The following PPP1R9A variants were observed in gnomAD, a reference collection of about 807,000 sequenced individuals.
The protein encoded by PPP1R9A is protein phosphatase 1 regulatory subunit 9A.
In PPP1R9A, 59 loss-of-function variants were observed where a neutral mutation model predicts 141.9. The observed-to-expected ratio is 0.42, with a 90% CI of 0.34 to 0.52. The LOEUF (loss-of-function observed/expected upper bound fraction) is 0.52, where lower values mean the gene tolerates loss of function less well. Ranked by LOEUF, PPP1R9A falls within the 20% of genes least tolerant of loss-of-function variation. The pLI, the probability that PPP1R9A is intolerant of heterozygous loss-of-function variation, is 0.10. For synonymous variants in PPP1R9A, 500 were observed against 569.7 expected, an observed-to-expected ratio of 0.88 and a Z score of 1.74; for missense variants, 1,444 against 1,611.9, an observed-to-expected ratio of 0.90 and a Z score of 1.78.
chr7:95,000,188 CATT>C (rs991612391), intron 2 of PPP1R9A, among the ~76,000 whole-genome samples: 3 of 152,164 alleles, frequency 2.0e-5, no homozygotes, highest in Admixed American at 1.3e-4. Flanking sequence ...TCATACCCAT[CATT>C]GTGTCCTAAA....
chr7:95,103,581 G>T (rs950264825), intron 2 of PPP1R9A, among the ~76,000 whole-genome samples: 2 of 152,154 alleles, frequency 1.3e-5, no homozygotes, highest in East Asian at 3.9e-4. Context: ...TGTTAGCCAG[G>T]TTGGTCTAGA....
At chr7:95,036,886 T>C (rs1808495446) in intron 2 of PPP1R9A, 2 of 152,158 alleles carry the variant, frequency 1.3e-5, no homozygotes, top group African/African-American at 4.8e-5. Flanking sequence ...TTCATCAATT[T>C]GATTTCTCAC....
At chr7:95,272,995 G>T (rs933354012) in intron 14 of PPP1R9A, among the ~76,000 whole-genome samples, 1 of 152,114 alleles carries the variant, frequency 6.6e-6, no homozygotes, top group Non-Finnish European at 1.5e-5. Context: ...ACGTGATGCC[G>T]ATCAGTACCC....
chr7:95,008,589 T>C (rs1232573788), intron 2 of PPP1R9A, among the ~76,000 whole-genome samples: 1 of 152,190 alleles, frequency 6.6e-6, no homozygotes, highest in Non-Finnish European at 1.5e-5. Context: ...TCCTTCTGTC[T>C]AATGGGATCA....
chr7:94,941,285 G>T (rs532214266), intron 2 of PPP1R9A, among the ~76,000 whole-genome samples: 1 of 152,134 alleles, frequency 6.6e-6, no homozygotes, highest in African/African-American at 2.4e-5. Flanking sequence ...TGCCTTCAAG[G>T]GGTGCTGTGA....
chr7:94,968,726 A>G (rs1054851492), intron 2 of PPP1R9A, among the ~76,000 whole-genome samples: 3 of 152,096 alleles, frequency 2.0e-5, no homozygotes, highest in African/African-American at 4.8e-5. Flanking sequence ...ATAATATCCT[A>G]AAGAGTGTTT....
chr7:95,078,101 G>A (rs1199473536), intron 2 of PPP1R9A, among the ~76,000 whole-genome samples: 1 of 149,194 alleles, frequency 6.7e-6, no homozygotes, highest in Non-Finnish European at 1.5e-5. Context: ...TTTAGCATTA[G>A]GTATATCTCC....
intron 2 of PPP1R9A, among the ~76,000 whole-genome samples, chr7:94,968,927 C>T (rs985952773): frequency 4.0e-5 from 6 of 151,858 alleles, no homozygotes; most frequent in South Asian, 4.2e-4. Flanking sequence ...TCTGCTTGAT[C>T]GATTCGGCTA....
chr7:94,954,577 A>T (rs1036725990), intron 2 of PPP1R9A, among the ~76,000 whole-genome samples: 12 of 151,776 alleles, frequency 7.9e-5, no homozygotes, highest in Non-Finnish European at 1.6e-4. Context: ...ATATCAATAG[A>T]TTTCTTAAAA....
rs575786173 is a variant in PPP1R9A, at chr7:95,076,419, T to TGGATATG, written c.1396-34840_1396-34839insGGATATG. ...CATTTATTGTATAATCCACCTTCTC[T>TGGATATG]TCATTATTTTGACATATTTTGTATC... On this transcript the variant is annotated intron_variant, in intron 2 of 19. Coordinates refer to ENST00000433360, the MANE Select transcript of PPP1R9A (RefSeq NM_001166160.2). Among the ~76,000 whole-genome samples the TGGATATG allele has an allele frequency of 6.5e-3, 986 of 152,310 alleles. 10 individuals carry two copies. Among genetic ancestry groups the TGGATATG allele is most frequent in the African/African-American group, 0.023 (939 of 41,568 alleles).
At chr7:95,094,846 C>G (rs1309701116) in intron 2 of PPP1R9A, among the ~76,000 whole-genome samples, 1 of 136,682 alleles carries the variant, frequency 7.3e-6, no homozygotes, top group Non-Finnish European at 1.5e-5. Flanking sequence ...CACCACTGCA[C>G]TCCAGCCTGG....
At chr7:95,087,226 AAC>A (rs1445919643) in intron 2 of PPP1R9A, among the ~76,000 whole-genome samples, 2 of 151,914 alleles carry the variant, frequency 1.3e-5, no homozygotes, top group African/African-American at 4.9e-5. Flanking sequence ...CACAGAAATA[AAC>A]ATAATTTAGA....
intron 2 of PPP1R9A, among the ~76,000 whole-genome samples, chr7:94,946,091 A>G (rs1330056251): frequency 1.3e-5 from 2 of 152,178 alleles, no homozygotes; most frequent in Admixed American, 6.6e-5. Context: ...GACAGATGAA[A>G]GGAAATCTAA....
chr7:95,026,655 C>T (rs1056563225), intron 2 of PPP1R9A, among the ~76,000 whole-genome samples: 2 of 152,104 alleles, frequency 1.3e-5, no homozygotes, highest in African/African-American at 4.8e-5. Flanking sequence ...CAGGCAGGGA[C>T]GTTTAAATCT....
At chr7:95,033,216 G>C (rs112989220) in intron 2 of PPP1R9A, among the ~76,000 whole-genome samples, 1 of 140,470 alleles carries the variant, frequency 7.1e-6, no homozygotes. Flanking sequence ...GGTTTTCACC[G>C]TGTTAGCCAG....
chr7:94,930,147 G>T (rs942985501), intron 2 of PPP1R9A, among the ~76,000 whole-genome samples: 4 of 152,156 alleles, frequency 2.6e-5, no homozygotes, highest in Admixed American at 1.3e-4. Context: ...TTAGATCCAG[G>T]TATATATGTC....
At chr7:95,110,179 A>G (rs566034529) in intron 2 of PPP1R9A, among the ~76,000 whole-genome samples, 6 of 152,300 alleles carry the variant, frequency 3.9e-5, no homozygotes, top group African/African-American at 7.2e-5. Context: ...ATAGGTTACC[A>G]TATATAGAAT....
Position 95,198,704 on chromosome 7 carries a change from A to G in PPP1R9A, c.1890+220A>G, listed in dbSNP as rs373507464. ...TACAGTATGAAGACTGTGGACACAA[A>G]TAAGTCTTATCTTTTGCACTATTAT... On this transcript the variant is annotated intron_variant, in intron 6 of 19. Transcript: ENST00000433360. Among the ~76,000 whole-genome samples, 19 of 152,320 alleles carry G rather than the reference A, an allele frequency of 1.2e-4. No individual in the cohort carries two copies. In the East Asian group the frequency reaches 3.5e-3, roughly 28 times the overall value.
chr7:94,988,853 G>T (rs980632370), intron 2 of PPP1R9A, among the ~76,000 whole-genome samples: 12 of 151,338 alleles, frequency 7.9e-5, no homozygotes, highest in Admixed American at 6.6e-4. Flanking sequence ...AATTTAGCCT[G>T]ATTTTTTTTT....
Sources: allele counts gnomAD v4.1 joint callset (sites outside exome capture counted in the v4.1 genomes callset), GRCh38; gene constraint gnomAD v4.1.1; transcripts MANE v1.5; gene names NCBI Gene and HGNC (gene_info 2026-07-23, HGNC 2026-07-21).